The following DPYD variants were observed in gnomAD, a reference collection of about 807,000 sequenced individuals.
DPYD encodes the protein dihydropyrimidine dehydrogenase [NADP(+)].
Under a neutral mutation model 116.2 loss-of-function variants are expected in DPYD, and 109 were observed. The ratio of observed to expected loss-of-function variants is 0.94; its 90% CI spans 0.80 to 1.10. The LOEUF (loss-of-function observed/expected upper bound fraction) is 1.10, where lower values mean the gene tolerates loss of function less well. Ranked by LOEUF, DPYD falls within the 50% of genes least tolerant of loss-of-function variation. The pLI is 0.00. For synonymous variants in DPYD, 440 were observed against 432.0 expected (o/e 1.02, Z -0.23); for missense variants, 1,302 against 1,254.5 (o/e 1.04, Z -0.57).
chr1:97,468,711 G>A (rs547625036), intron 13 of DPYD, among the ~76,000 whole-genome samples: 1 of 152,242 alleles, frequency 6.6e-6, no homozygotes, highest in Non-Finnish European at 1.5e-5. Context: ...TTTGACCCAC[G>A]GGGCTATCAT....
chr1:97,678,692 G>A (rs1292268341), intron 8 of DPYD, among the ~76,000 whole-genome samples: 1 of 152,060 alleles, frequency 6.6e-6, no homozygotes, highest in East Asian at 1.9e-4. Context: ...AGAAAATTTT[G>A]GAAAATGAAT....
chr1:97,365,321 C>T (rs554830859), intron 16 of DPYD, among the ~76,000 whole-genome samples: 1 of 152,284 alleles, frequency 6.6e-6, no homozygotes, highest in East Asian at 1.9e-4. Flanking sequence ...GGTGTCCCAC[C>T]TTGTCTCTAC....
At chr1:97,911,611 A>T (rs1353285365) in intron 1 of DPYD, among the ~76,000 whole-genome samples, 3 of 152,110 alleles carry the variant, frequency 2.0e-5, no homozygotes, top group Non-Finnish European at 2.9e-5. Context: ...ATGTACACAC[A>T]CATGCTAGTG....
intron 20 of DPYD, among the ~76,000 whole-genome samples, chr1:97,106,972 T>C (rs1651208837): frequency 6.6e-6 from 1 of 152,146 alleles, no homozygotes. Flanking sequence ...GGGAATCTAA[T>C]ATGTTAAATT....
At chr1:97,598,213 T>C (rs1256286664) in intron 8 of DPYD, among the ~76,000 whole-genome samples, 3 of 151,906 alleles carry the variant, frequency 2.0e-5, no homozygotes, top group Non-Finnish European at 4.4e-5. Context: ...GAAAGAAAAA[T>C]GAGGCAACCT....
At chr1:97,166,580 T>C (rs1656346384) in intron 20 of DPYD, among the ~76,000 whole-genome samples, 1 of 152,038 alleles carries the variant, frequency 6.6e-6, no homozygotes, top group Non-Finnish European at 1.5e-5. Context: ...AACATTAACA[T>C]GAAAAAAGTA....
intron 21 of DPYD, among the ~76,000 whole-genome samples, chr1:97,087,242 G>C (rs1037407264): frequency 6.6e-6 from 1 of 152,092 alleles, no homozygotes; most frequent in Non-Finnish European, 1.5e-5. Context: ...TCATCAGTGT[G>C]GTATAGTGAT....
chr1:97,445,148 ACCGACTTC>A (rs1390256907), intron 14 of DPYD, among the ~76,000 whole-genome samples: 17 of 152,326 alleles, frequency 1.1e-4, no homozygotes, highest in Admixed American at 4.6e-4. Flanking sequence ...CCAGATGCTG[ACCGACTTC>A]CCCTCTTCCA....
intron 20 of DPYD, among the ~76,000 whole-genome samples, chr1:97,098,861 T>C (rs958988460): frequency 1.7e-4 from 26 of 152,112 alleles, no homozygotes; most frequent in Non-Finnish European, 5.9e-5. Context: ...CAAATATGTA[T>C]GTATTACATA....
chr1:97,396,492 A>G (rs1673013046), intron 14 of DPYD, among the ~76,000 whole-genome samples: 1 of 152,064 alleles, frequency 6.6e-6, no homozygotes, highest in African/African-American at 2.4e-5. Context: ...TTATTTCACT[A>G]CAGCTCTGCA....
intron 12 of DPYD, among the ~76,000 whole-genome samples, chr1:97,522,488 T>G (rs1557770515): frequency 6.6e-6 from 1 of 152,086 alleles, no homozygotes; most frequent in Non-Finnish European, 1.5e-5. Context: ...TTTGGGAGGC[T>G]GAGGTGCGTG....
At chr1:97,143,163 G>T (rs1654355588) in intron 20 of DPYD, among the ~76,000 whole-genome samples, 1 of 151,726 alleles carries the variant, frequency 6.6e-6, no homozygotes, top group Non-Finnish European at 1.5e-5. Flanking sequence ...ATTTCTAAGG[G>T]CCATAATATA....
At chr1:97,647,292 A>G (rs1431799722) in intron 8 of DPYD, among the ~76,000 whole-genome samples, 1 of 152,060 alleles carries the variant, frequency 6.6e-6, no homozygotes, top group East Asian at 1.9e-4. Context: ...ACATTTATAC[A>G]TTTTCTTATA....
intron 7 of DPYD, among the ~76,000 whole-genome samples, chr1:97,687,592 G>T (rs1660802955): frequency 6.6e-6 from 1 of 152,122 alleles, no homozygotes; most frequent in Admixed American, 6.5e-5. Flanking sequence ...CATAGAACCA[G>T]AAATACTATT....
chr1:97,599,860 C>CAAAAAAAAAA (rs56940277), intron 8 of DPYD, among the ~76,000 whole-genome samples: 2 of 36,442 alleles, frequency 5.5e-5, no homozygotes, highest in Non-Finnish European at 9.4e-5. Flanking sequence ...CCCATCTCCA[C>CAAAAAAAAAA]AAAAAAAAAA....
intron 11 of DPYD, among the ~76,000 whole-genome samples, chr1:97,557,821 T>C (rs17116920): frequency 0.12 from 17,604 of 152,268 alleles, 1,169 homozygotes; most frequent in African/African-American, 0.17. Flanking sequence ...TCAGCACTTA[T>C]GGATCTCTAG....
At chr1:97,096,052 G>A (rs1650224424) in intron 21 of DPYD, 1 of 152,164 alleles carries the variant, frequency 6.6e-6, no homozygotes, top group South Asian at 2.1e-4. Flanking sequence ...TTTCACTCTG[G>A]ATAACCTCCA....
intron 20 of DPYD, among the ~76,000 whole-genome samples, chr1:97,159,347 G>A (rs1655718516): frequency 6.6e-6 from 1 of 151,992 alleles, no homozygotes; most frequent in Non-Finnish European, 1.5e-5. Context: ...AAGACTCAGT[G>A]AACTTGAACA....
intron 14 of DPYD, among the ~76,000 whole-genome samples, chr1:97,443,760 C>T (rs889927344): frequency 7.9e-5 from 12 of 152,240 alleles, no homozygotes; most frequent in South Asian, 2.1e-4. Context: ...TTTTTTTAAA[C>T]GAGTTGTCTG....
Sources: allele counts gnomAD v4.1 joint callset (sites outside exome capture counted in the v4.1 genomes callset), GRCh38; gene constraint gnomAD v4.1.1; transcripts MANE v1.5; gene names NCBI Gene and HGNC (gene_info 2026-07-23, HGNC 2026-07-21).